MRAS: variants seen among roughly 807,000 people sequenced by gnomAD.
The protein encoded by MRAS is muscle RAS oncogene homolog.
In MRAS, 4 loss-of-function variants were observed where a neutral mutation model predicts 20.9. The ratio of observed to expected loss-of-function variants is 0.19; its 90% CI spans 0.09 to 0.44. MRAS has a LOEUF of 0.44. Ranked by LOEUF, MRAS falls within the 20% of genes least tolerant of loss-of-function variation. MRAS has a pLI of 0.99. For missense variants in MRAS, 154 were observed against 277.5 expected (o/e 0.56, Z 3.16); for synonymous variants, 98 against 102.9 (o/e 0.95, Z 0.29).
At chr3:138,350,515 C>T (rs1344557017) in intron 1 of MRAS, 1 of 152,068 alleles carries the variant, frequency 6.6e-6, no homozygotes, top group Non-Finnish European at 1.5e-5. Context: ...GATGTGACCT[C>T]GGCATTTCCT....
chr3:138,380,714 T>G (rs1231161923), intron 2 of MRAS, among the ~76,000 whole-genome samples: 1 of 152,230 alleles, frequency 6.6e-6, no homozygotes, highest in Non-Finnish European at 1.5e-5. Flanking sequence ...TTATTTTAAT[T>G]AGTACAATCT....
At chr3:138,398,421 T>TG in intron 3 of MRAS, 48 bp from the exon 4 acceptor site, 1 of 1,518,678 alleles carries the variant, frequency 6.6e-7, no homozygotes, top group Non-Finnish European at 9.1e-7. Context: ...TAACCAGGTG[T>TG]GAGGGGTGGT....
intron 2 of MRAS, among the ~76,000 whole-genome samples, chr3:138,382,528 GT>G (rs1482013867): frequency 6.6e-6 from 1 of 152,188 alleles, no homozygotes; most frequent in East Asian, 1.9e-4. Context: ...AAATAGTGAA[GT>G]ACTCTCTACC....
At chr3:138,351,681 C>T (rs2054230188) in intron 1 of MRAS, among the ~76,000 whole-genome samples, 1 of 152,190 alleles carries the variant, frequency 6.6e-6, no homozygotes, top group South Asian at 2.1e-4. Context: ...CCCAAAGATG[C>T]TCTCTGCTCT....
intron 1 of MRAS, among the ~76,000 whole-genome samples, chr3:138,359,115 C>G (rs997830360): frequency 3.9e-5 from 6 of 152,192 alleles, no homozygotes; most frequent in African/African-American, 1.4e-4. Flanking sequence ...TTGGACAGGC[C>G]TTGCCTCGCA....
chr3:138,361,528 G>A (rs2054447298), intron 1 of MRAS, among the ~76,000 whole-genome samples: 1 of 152,192 alleles, frequency 6.6e-6, no homozygotes, highest in African/African-American at 2.4e-5. Flanking sequence ...AGAGAATTTG[G>A]GGCAGAGAGG....
intron 2 of MRAS, among the ~76,000 whole-genome samples, chr3:138,380,239 G>A (rs2054871115): frequency 6.6e-6 from 1 of 151,788 alleles, no homozygotes; most frequent in Admixed American, 6.6e-5. Context: ...ATATATTCAG[G>A]TTATTAATCC....
intron 2 of MRAS, among the ~76,000 whole-genome samples, chr3:138,374,604 C>T (rs945570480): frequency 6.6e-6 from 1 of 152,176 alleles, no homozygotes; most frequent in East Asian, 1.9e-4. Context: ...ATTAAAATCT[C>T]TGGCATCCTG....
At chr3:138,398,639 C>T (rs1287609127) in intron 4 of MRAS, 71 bp downstream of exon 4, 5 of 1,368,452 alleles carry the variant, frequency 3.7e-6, no homozygotes, top group Non-Finnish European at 5.2e-6. Context: ...CCCCTGCAGT[C>T]CTGGTCTTTG....
intron 2 of MRAS, among the ~76,000 whole-genome samples, chr3:138,374,323 A>G (rs1357064072): frequency 6.6e-6 from 1 of 152,134 alleles, no homozygotes; most frequent in African/African-American, 2.4e-5. Context: ...TTATACCTGT[A>G]TCTGTATTGA....
chr3:138,355,040 C>T (rs960236131), intron 1 of MRAS, among the ~76,000 whole-genome samples: 1 of 152,148 alleles, frequency 6.6e-6, no homozygotes, highest in Admixed American at 6.5e-5. Flanking sequence ...CCACCTCGAC[C>T]TCCCAAAGTG....
intron 1 of MRAS, among the ~76,000 whole-genome samples, chr3:138,358,429 A>G (rs568756419): frequency 2.0e-5 from 3 of 152,368 alleles, no homozygotes; most frequent in Admixed American, 1.3e-4. Context: ...AGTAAGAACC[A>G]GCAGAAGTGC....
chr3:138,374,904 CAG>C (rs1193802508), intron 2 of MRAS, among the ~76,000 whole-genome samples: 2 of 152,122 alleles, frequency 1.3e-5, no homozygotes, highest in Non-Finnish European at 2.9e-5. Context: ...GTTTTTGTGA[CAG>C]AGTCTTGCAC....
chr3:138,401,346 A>G (rs760522492), intron 5 of MRAS, among the ~76,000 whole-genome samples: 10 of 152,148 alleles, frequency 6.6e-5, no homozygotes, highest in Non-Finnish European at 1.5e-4. Flanking sequence ...GAGCTGTGAG[A>G]TCAGCCCCGG....
At chr3:138,358,769 A>G (rs993236282) in intron 1 of MRAS, among the ~76,000 whole-genome samples, 2 of 152,266 alleles carry the variant, frequency 1.3e-5, no homozygotes, top group African/African-American at 4.8e-5. Flanking sequence ...GTCAAGGCAG[A>G]CAGCTGGGTG....
chr3:138,390,394 C>A (rs565339275), intron 2 of MRAS, among the ~76,000 whole-genome samples: 94 of 152,288 alleles, frequency 6.2e-4, no homozygotes, highest in African/African-American at 2.2e-3. Flanking sequence ...CCTTCCTCCT[C>A]CCCCAGTCTG....
chr3:138,358,398 C>G (rs1013014663), intron 1 of MRAS, among the ~76,000 whole-genome samples: 3 of 152,070 alleles, frequency 2.0e-5, no homozygotes, highest in African/African-American at 7.2e-5. Context: ...ATTAGGCACT[C>G]TAGACCTTAC....
intron 2 of MRAS, among the ~76,000 whole-genome samples, chr3:138,387,140 C>T (rs1024376012): frequency 1.3e-5 from 2 of 152,062 alleles, no homozygotes; most frequent in Non-Finnish European, 2.9e-5. Flanking sequence ...GTGGTGGTCA[C>T]CAAGGGAGTG....
intron 2 of MRAS, among the ~76,000 whole-genome samples, chr3:138,389,809 T>G (rs949981917): frequency 1.4e-4 from 22 of 151,894 alleles, no homozygotes; most frequent in South Asian, 2.1e-4. Flanking sequence ...GCCTTTGGCA[T>G]AGTGCTGGCT....
Sources: allele counts gnomAD v4.1 joint callset (sites outside exome capture counted in the v4.1 genomes callset), GRCh38; gene constraint gnomAD v4.1.1; transcripts MANE v1.5; gene names NCBI Gene and HGNC (gene_info 2026-07-23, HGNC 2026-07-21).